LRP2: variants seen among roughly 807,000 people sequenced by gnomAD.
The protein encoded by LRP2 is low-density lipoprotein receptor-related protein 2.
In LRP2, 172 loss-of-function variants were observed where a neutral mutation model predicts 531.0. That is an observed-to-expected ratio of 0.32 (90% CI 0.29 to 0.37). LRP2 has a LOEUF of 0.37. Ranked by LOEUF, LRP2 falls within the 10% of genes least tolerant of loss-of-function variation. LRP2 has a pLI of 1.00. For missense variants in LRP2, 5,167 were observed against 5,868.3 expected, an observed-to-expected ratio of 0.88 and a Z score of 3.90; for synonymous variants, 1,992 against 2,027.6, an observed-to-expected ratio of 0.98 and a Z score of 0.47.
intron 1 of LRP2, among the ~76,000 whole-genome samples, chr2:169,328,606 T>C (rs190642902): frequency 6.6e-6 from 1 of 152,298 alleles, no homozygotes; most frequent in South Asian, 2.1e-4. Flanking sequence ...TATTGTTTAC[T>C]GAGTACCTAC....
intron 6 of LRP2, among the ~76,000 whole-genome samples, chr2:169,293,917 A>G (rs965101209): frequency 3.9e-5 from 6 of 152,094 alleles, no homozygotes; most frequent in Non-Finnish European, 8.8e-5. Context: ...CCAGCCCTTT[A>G]CATCTACACA....
In LRP2 at chr2:169,172,110, C is replaced by G. The variant is rs747178274; in HGVS notation, c.11168G>C (p.Gly3723Ala). 7.4e-6 allele frequency: 12 copies of G among 1,614,066 alleles called. No individual in the cohort carries two copies. Among genetic ancestry groups the G allele is most frequent in the Non-Finnish European group, 9.3e-6 (11 of 1,180,028 alleles). The part of the protein sequence containing the change: ...GCEERTCHPV[G>A]DFRCKNHHCI... ...GTGGTGATTTTTACAGCGGAAATCC[C>G]CCACAGGATGGCATGTCCTCTCCTC... Residue 3723 changes from glycine (G) to alanine (A), a missense_variant, in exon 58 of 79, where the codon GGG becomes GCG. Gly to Ala is a moderately conservative substitution (Grantham distance 60, BLOSUM62 0). Around this residue, in one of 6 missense-constraint regions of LRP2, gnomAD observed 311 missense variants for 309.4 expected, o/e 1.01. Transcript: ENST00000649046.
intron 4 of LRP2, among the ~76,000 whole-genome samples, chr2:169,306,709 A>G (rs903420933): frequency 2.0e-4 from 31 of 152,012 alleles, no homozygotes; most frequent in African/African-American, 7.5e-4. Context: ...GTTACTAGAT[A>G]ATGAACCATG....
chr2:169,191,001 G>A (rs1228880455), intron 48 of LRP2, among the ~76,000 whole-genome samples: 1 of 152,172 alleles, frequency 6.6e-6, no homozygotes, highest in Non-Finnish European at 1.5e-5. Flanking sequence ...TCAAACAATG[G>A]AACATTGCAG....
chr2:169,209,695 T>A, intron 37 of LRP2, 54 bp from the exon 38 acceptor site: 1 of 1,538,086 alleles, frequency 6.5e-7, no homozygotes, highest in Non-Finnish European at 8.9e-7. Context: ...TTAGAACTTT[T>A]AAATGTCTGC....
rs751639325 is a variant in LRP2 at position 169,206,936 on chromosome 2, G to C, written c.6784C>G (p.Arg2262Gly). ...ACTTCAGAGTTCTCTCCATTGATAC[G>C]AATCCTTGCAATTATATCTAAAGAA... The part of the protein sequence containing the change: ...DDSLDIIARI[R>G]INGENSEVIR... Residue 2262 changes from arginine (R) to glycine (G), a missense_variant, in exon 39 of 79, where the codon CGT becomes GGT. This residue lies in a region of LRP2 where 2,811 missense variants were observed against 3,058.0 expected (regional missense o/e 0.92). Transcript: ENST00000649046. The C allele has an allele frequency of 3.1e-6, 5 of 1,614,038 alleles. No homozygotes were observed. The highest frequency in any genetic ancestry group is 2.7e-5 in the African/African-American group (2 of 74,920).
chr2:169,248,154 C>T (rs1400434710), intron 19 of LRP2, among the ~76,000 whole-genome samples: 3 of 148,456 alleles, frequency 2.0e-5, no homozygotes, highest in Non-Finnish European at 3.0e-5. Flanking sequence ...TAGAATGATG[C>T]TCACAATGGT....
At chr2:169,137,571 A>G in intron 75 of LRP2, 78 bp from the exon 76 acceptor site, 1 of 946,016 alleles carries the variant, frequency 1.1e-6, no homozygotes, top group South Asian at 1.3e-5. Context: ...AATCTGGTTC[A>G]CACACAAAGA....
At chr2:169,267,729 A>T (rs1655757024) in intron 16 of LRP2, among the ~76,000 whole-genome samples, 2 of 152,206 alleles carry the variant, frequency 1.3e-5, no homozygotes, top group African/African-American at 4.8e-5. Flanking sequence ...TTCAAAAGCT[A>T]ACGGAAGGCA....
chr2:169,206,127 G>T lies in LRP2; in HGVS notation c.7452C>A (p.Asp2484Glu), dbSNP rs1216038081. ...TGGAATTAATCATCTGGTTGAGGTA[G>T]TCACTGTAATAAATTCTTCTAGTAA... ...DWITRRIYYS[D>E]YLNQMINSMA... Residue 2484 changes from aspartate to glutamate, a missense_variant, in exon 40 of 79, where the codon GAC becomes GAA. Coordinates refer to ENST00000649046, the MANE Select transcript of LRP2 (RefSeq NM_004525.3). 1 of 1,614,200 alleles carries T rather than the reference G, an allele frequency of 6.2e-7. No homozygotes were observed. The highest frequency in any genetic ancestry group is 1.1e-5 in the South Asian group (1 of 91,078).
chr2:169,303,169 A>G (rs1443900756), intron 4 of LRP2, among the ~76,000 whole-genome samples: 1 of 152,156 alleles, frequency 6.6e-6, no homozygotes, highest in Non-Finnish European at 1.5e-5. Context: ...TATACACTTC[A>G]TGCTTCTTTT....
intron 33 of LRP2, among the ~76,000 whole-genome samples, 160 bp from the exon 34 acceptor site, chr2:169,220,723 G>C (rs1688962860): frequency 6.6e-6 from 1 of 152,044 alleles, no homozygotes; most frequent in Non-Finnish European, 1.5e-5. Context: ...TGCACTTCAG[G>C]GAAATGAGGA....
At chr2:169,216,851 C>T (rs7600336) in intron 34 of LRP2, among the ~76,000 whole-genome samples, 76,923 of 151,942 alleles carry the variant, frequency 0.51, 20,656 homozygotes, top group African/African-American at 0.69. Context: ...TTAATTATTC[C>T]CCAAATCACC....
Position 169,183,809 on chromosome 2 carries a change from A to T in LRP2, c.9846-1490T>A, listed in dbSNP as rs142680744. On this transcript the variant is annotated intron_variant, in intron 50 of 78. Coordinates refer to ENST00000649046, the MANE Select transcript of LRP2 (RefSeq NM_004525.3). ...CAAATGCAAGGGCTTTGGAAACCAA[A>T]CACCCTAATGCTGACAGCAGAAATA... Among the ~76,000 whole-genome samples the T allele has an allele frequency of 1.1e-3, 166 of 152,340 alleles. 1 individual carries two copies. The highest frequency in any genetic ancestry group is 3.5e-3 in the African/African-American group (146 of 41,580).
intron 34 of LRP2, 53 bp from the exon 35 acceptor site, chr2:169,216,483 C>G (rs1329847481): frequency 6.4e-6 from 10 of 1,569,504 alleles, no homozygotes; most frequent in African/African-American, 1.4e-5. Flanking sequence ...GGATTTGAGT[C>G]AGTGACATAA....
chr2:169,165,867 A>G, intron 62 of LRP2, 65 bp downstream of exon 62: 4 of 1,606,232 alleles, frequency 2.5e-6, no homozygotes, highest in Middle Eastern at 1.7e-4. Context: ...CCAGAGGCAC[A>G]TTTTCCAAAC....
At chr2:169,361,140 C>T (rs954184018) in intron 1 of LRP2, among the ~76,000 whole-genome samples, 10 of 152,076 alleles carry the variant, frequency 6.6e-5, no homozygotes, top group Non-Finnish European at 1.2e-4. Flanking sequence ...GGGGGACTCT[C>T]CCATCCCCAC....
chr2:169,160,365 A>C (rs1686529711), intron 63 of LRP2, among the ~76,000 whole-genome samples: 1 of 152,160 alleles, frequency 6.6e-6, no homozygotes, highest in Non-Finnish European at 1.5e-5. Context: ...ATATAAGTAC[A>C]TCAAAATGTC....
intron 33 of LRP2, among the ~76,000 whole-genome samples, chr2:169,220,786 C>T (rs1208444390): frequency 1.3e-5 from 2 of 152,108 alleles, no homozygotes; most frequent in African/African-American, 4.8e-5. Flanking sequence ...CTCCCAAGTT[C>T]CTACTTCCAA....
Sources: gnomAD v4.1 joint callset for allele counts (sites outside exome capture counted in the v4.1 genomes callset) on GRCh38, gnomAD v4.1.1 for gene constraint, gnomAD v4.1.1 regional missense constraint, MANE v1.5 for transcripts, NCBI Gene and HGNC (gene_info 2026-07-23, HGNC 2026-07-21) for gene names.